The following KIF5C variants were observed in gnomAD, a reference collection of about 807,000 sequenced individuals.
The protein encoded by KIF5C is kinesin heavy chain isoform 5C.
KIF5C carries 18 observed loss-of-function variants against 125.2 expected under a neutral mutation model. That is an observed-to-expected ratio of 0.14 (90% CI 0.10 to 0.21). KIF5C has a LOEUF of 0.21. Among genes scored for constraint, KIF5C ranks in the 10% least tolerant of loss-of-function variants. The pLI is 1.00. For synonymous variants in KIF5C, 405 were observed against 434.0 expected (o/e 0.93, Z 0.83); for missense variants, 780 against 1,183.8 (o/e 0.66, Z 5.01).
intron 12 of KIF5C, among the ~76,000 whole-genome samples, chr2:148,976,135 T>C (rs1681057992): frequency 6.6e-6 from 1 of 152,216 alleles, no homozygotes; most frequent in African/African-American, 2.4e-5. Flanking sequence ...ATTATTTTTA[T>C]GCAGATTACC....
rs780575283 is a variant in KIF5C, at chr2:149,010,298, A to G, written c.2714A>G (p.Lys905Arg). The change falls in exon 24 of 26, where the codon AAG becomes AGG. Residue 905 changes from lysine to arginine, a missense_variant. Physicochemically the swap from Lys to Arg is conservative, Grantham distance 26 (BLOSUM62 2). Around this residue, in one of 2 missense-constraint regions of KIF5C, gnomAD observed 573 missense variants for 742.6 expected, o/e 0.77. Coordinates refer to ENST00000435030, the MANE Select transcript of KIF5C (RefSeq NM_004522.3). ...KRYQQEVDRI[K>R]EAVRAKNMAR... ...TACCAGCAGGAGGTGGATCGTATCAAGGAGGCCGTGCGGGCCAAGAACATG... is the reference window on the plus strand; with the variant it reads ...TACCAGCAGGAGGTGGATCGTATCAGGGAGGCCGTGCGGGCCAAGAACATG... The G allele has an allele frequency of 7.5e-6, 12 of 1,596,880 alleles. No homozygotes were observed. Among genetic ancestry groups the G allele is most frequent in the South Asian group, 2.3e-5 (2 of 87,718 alleles).
chr2:148,916,313 T>G (rs185860231), intron 1 of KIF5C, among the ~76,000 whole-genome samples: 1 of 152,222 alleles, frequency 6.6e-6, no homozygotes, highest in African/African-American at 2.4e-5. Flanking sequence ...CTTTTGTGAA[T>G]AGACTTTATG....
At chr2:148,901,839 G>A (rs879437700) in intron 1 of KIF5C, among the ~76,000 whole-genome samples, 3 of 152,094 alleles carry the variant, frequency 2.0e-5, no homozygotes, top group Non-Finnish European at 2.9e-5. Flanking sequence ...AATACTGTTT[G>A]TCACCTCTTA....
chr2:148,952,678 C>G (rs1355600946), intron 10 of KIF5C, among the ~76,000 whole-genome samples: 1 of 152,092 alleles, frequency 6.6e-6, no homozygotes, highest in East Asian at 1.9e-4. Flanking sequence ...TTACCTCTCC[C>G]CTCTGAGCCC....
At chr2:148,961,885 T>C in intron 10 of KIF5C, 86 bp from the exon 11 acceptor site, 1 of 1,508,628 alleles carries the variant, frequency 6.6e-7, no homozygotes, top group Non-Finnish European at 8.9e-7. Flanking sequence ...TCCAGTCTTT[T>C]GACATGAGGA....
rs371190734 is a variant in KIF5C at position 148,908,696 on chromosome 2, T to C, written c.127-13441T>C. On this transcript the variant is annotated intron_variant, in intron 1 of 25. Coordinates refer to ENST00000435030, the MANE Select transcript of KIF5C (RefSeq NM_004522.3). ...GTACCTGCTTTTAGCAGCCAGTAAA[T>C]ACTCTCTGTTACTCTCATTCCCCAC... 4.6e-5 allele frequency among the ~76,000 whole-genome samples: 7 copies of C among 152,326 alleles called. No individual in the cohort carries two copies. The East Asian group carries it at 1.4e-3, about 29-fold the overall frequency.
intron 8 of KIF5C, among the ~76,000 whole-genome samples, chr2:148,948,559 C>T (rs11893617): frequency 0.13 from 20,269 of 152,144 alleles, 2,045 homozygotes; most frequent in African/African-American, 0.27. Context: ...TGTTTGAAAT[C>T]ATGTCCTTCA....
At chr2:148,940,260 T>C (rs1682376603) in intron 4 of KIF5C, among the ~76,000 whole-genome samples, 1 of 151,980 alleles carries the variant, frequency 6.6e-6, no homozygotes, top group Non-Finnish European at 1.5e-5. Context: ...GCATGAAAGA[T>C]TAGAGAAAGC....
chr2:148,974,922 CAA>C (rs1487161322), intron 12 of KIF5C, among the ~76,000 whole-genome samples: 2 of 152,108 alleles, frequency 1.3e-5, no homozygotes, highest in African/African-American at 2.4e-5. Context: ...TTCATTGATC[CAA>C]GAGAGAGACT....
intron 1 of KIF5C, among the ~76,000 whole-genome samples, chr2:148,894,341 T>G (rs1435990913): frequency 3.9e-5 from 6 of 152,190 alleles, no homozygotes; most frequent in Admixed American, 3.9e-4. Flanking sequence ...ACAAAACACT[T>G]TTCTCTTTTT....
At chr2:148,952,030 G>C (rs1200175652) in intron 10 of KIF5C, among the ~76,000 whole-genome samples, 1 of 151,982 alleles carries the variant, frequency 6.6e-6, no homozygotes, top group African/African-American at 2.4e-5. Context: ...ACTGGATTTG[G>C]GTCCTTTACT....
chr2:149,022,024 G>A (rs114314986), intron 25 of KIF5C, among the ~76,000 whole-genome samples: 2,409 of 152,246 alleles, frequency 0.016, 68 homozygotes, highest in African/African-American at 0.054. Flanking sequence ...TCCTGGAGAT[G>A]CGCCCAGCAC....
chr2:148,893,348 T>G (rs1194111436), intron 1 of KIF5C, among the ~76,000 whole-genome samples: 1 of 152,226 alleles, frequency 6.6e-6, no homozygotes, highest in Non-Finnish European at 1.5e-5. Context: ...AAAATAAGTT[T>G]GAACTCCCCA....
rs769834425 is a variant in KIF5C at position 148,991,235 on chromosome 2, G to T, written c.1905+37G>T. The stretch of plus-strand genomic sequence containing the variant: ...CCTTCCCCATCATTGCACTCTTGTT[G>T]TCTTGAGATCTGCTCCCTCCATGCC... On this transcript the variant is annotated intron_variant, in intron 16 of 25. Coordinates refer to ENST00000435030, the MANE Select transcript of KIF5C (RefSeq NM_004522.3). 3 of 1,600,634 alleles carry T rather than the reference G, an allele frequency of 1.9e-6. No homozygotes were observed. The African/African-American group carries it at 4.0e-5, about 21-fold the overall frequency.
chr2:149,012,651 A>G (rs966925538), intron 25 of KIF5C, among the ~76,000 whole-genome samples: 1 of 152,244 alleles, frequency 6.6e-6, no homozygotes, highest in African/African-American at 2.4e-5. Context: ...AGTTGCCCCC[A>G]CACAACTTTT....
chr2:149,010,729 A>G (rs1394367488), intron 24 of KIF5C, among the ~76,000 whole-genome samples: 1 of 152,144 alleles, frequency 6.6e-6, no homozygotes, highest in Admixed American at 6.5e-5. Flanking sequence ...CGGTGGGAGC[A>G]TGAAGGAGCC....
intron 14 of KIF5C, 129 bp downstream of exon 14, chr2:148,981,690 C>T: frequency 2.2e-6 from 3 of 1,395,192 alleles, no homozygotes; most frequent in South Asian, 3.3e-5. Flanking sequence ...GATGCATTCT[C>T]TGAGGTCCCT....
At chr2:149,010,569 C>T (rs979797503) in intron 24 of KIF5C, among the ~76,000 whole-genome samples, 19 of 152,276 alleles carry the variant, frequency 1.2e-4, no homozygotes, top group African/African-American at 4.3e-4. Context: ...TTCCAGCATA[C>T]ATCGTGGTCT....
intron 1 of KIF5C, among the ~76,000 whole-genome samples, chr2:148,909,177 A>G (rs1681236162): frequency 6.6e-6 from 1 of 151,984 alleles, no homozygotes; most frequent in South Asian, 2.1e-4. Context: ...CTCTTCCCCC[A>G]TCACCCCATT....
Sources: allele counts gnomAD v4.1 joint callset (sites outside exome capture counted in the v4.1 genomes callset), GRCh38; gene constraint gnomAD v4.1.1; regional missense constraint gnomAD v4.1.1; transcripts MANE v1.5; gene names NCBI Gene and HGNC (gene_info 2026-07-23, HGNC 2026-07-21).